The following NOP9 variants were observed in gnomAD, a reference collection of about 807,000 sequenced individuals.
The protein encoded by NOP9 is NOP9 nucleolar protein, also known as nucleolar protein 9.
NOP9 carries 50 observed loss-of-function variants against 63.0 expected under a neutral mutation model. That is an observed-to-expected ratio of 0.79 (90% CI 0.63 to 1.00). The LOEUF (loss-of-function observed/expected upper bound fraction) is 1.00, where lower values mean the gene tolerates loss of function less well. Ranked by LOEUF, NOP9 falls within the 50% of genes least tolerant of loss-of-function variation. The pLI, the probability that NOP9 is intolerant of heterozygous loss-of-function variation, is 0.00. For synonymous variants in NOP9, 343 were observed against 332.8 expected (o/e 1.03, Z -0.33); for missense variants, 758 against 803.0 (o/e 0.94, Z 0.68).
At chr14:24,291,826 C>T in the NOP9 span, 5 of 629,360 alleles carry the variant, frequency 7.9e-6, no homozygotes, top group Non-Finnish European at 1.4e-5. Flanking sequence ...TGTGCCCTGG[C>T]ACCAGGATCT....
At chr14:24,296,846 C>T, upstream of NOP9, 1 of 1,614,260 alleles carries the variant, frequency 6.2e-7, no homozygotes, top group Admixed American at 1.7e-5. Context: ...TTGAATCGCA[C>T]ACCACAGGCA....
the NOP9 span, chr14:24,271,516 G>T: frequency 6.4e-5 from 11 of 173,100 alleles, no homozygotes; most frequent in Non-Finnish European, 1.2e-4. Flanking sequence ...GGGGGACGCG[G>T]AGCTGCGGCG....
Position 24,305,913 on chromosome 14 carries a change from G to A in NOP9, c.*818G>A. ...GAATTATGGGGACTATCCAACTGTA[G>A]GGGATGGGGCAGTATGACATGTTGA... is the stretch of plus-strand genomic sequence containing the variant. On this transcript the variant is annotated 3_prime_UTR_variant, in exon 10 of 10. Coordinates refer to ENST00000267425, the MANE Select transcript of NOP9 (RefSeq NM_174913.3). 6.2e-7 allele frequency: 1 copy of A among 1,600,604 alleles called. No homozygotes were observed. Among genetic ancestry groups the A allele is most frequent in the Non-Finnish European group, 8.5e-7 (1 of 1,171,744 alleles).
At chr14:24,284,001 G>A in the NOP9 span, among the ~76,000 whole-genome samples, 1 of 152,210 alleles carries the variant, frequency 6.6e-6, no homozygotes, top group South Asian at 2.1e-4. Context: ...GGGCACCCAT[G>A]GGCATGTGTG....
rs2041577561 is a variant in NOP9, at chr14:24,308,129, G to A, written c.*3034G>A. 1 of 529,786 alleles carries A rather than the reference G, an allele frequency of 1.9e-6. No homozygotes were observed. 32.8% of individuals were successfully genotyped at this position (529,786 alleles called of 1,614,324 possible). A position where few individuals can be genotyped will look rare whatever the true frequency, so the allele number is the denominator to read the frequency against. On this transcript the variant is annotated 3_prime_UTR_variant, in exon 10 of 10. Coordinates refer to ENST00000267425, the MANE Select transcript of NOP9 (RefSeq NM_174913.3). ...GTATGTGTGTCTTTGGTGATGACAT[G>A]TGTTGTGAGGGTAGATGGGAACCAT...
chr14:24,304,181 T>C lies in NOP9; in HGVS notation c.1551T>C (p.Leu517=), dbSNP rs2144494. ...GALTGPQLLS[L]AQSPAGSHVL... is the part of the protein sequence containing the mutation. Reference sequence around the variant, plus strand: ...TGACGGGACCACAGCTTCTGTCCCTTGCCCAAAGTCCCGCTGGCTCTCATG... The same window carrying C: ...TGACGGGACCACAGCTTCTGTCCCTCGCCCAAAGTCCCGCTGGCTCTCATG... The change falls in exon 8 of 10, where the codon CTT becomes CTC. Residue 517 remains leucine (L), a synonymous_variant. Transcript: ENST00000267425. The C allele has an allele frequency of 0.19, 314,627 of 1,614,006 alleles. 33,634 individuals carry two copies. Among genetic ancestry groups the C allele is most frequent in the Admixed American group, 0.35 (20,966 of 60,010 alleles).
chr14:24,274,843 C>T, the NOP9 span, among the ~76,000 whole-genome samples: 5 of 149,152 alleles, frequency 3.4e-5, no homozygotes, highest in East Asian at 1.0e-3. Context: ...CTCCTGACCT[C>T]GTGATCTGCC....
rs1251641506 is a variant in NOP9 at position 24,307,387 on chromosome 14, T to A, written c.*2292T>A. 6.2e-7 allele frequency: 1 copy of A among 1,613,820 alleles called. No homozygotes were observed. The highest frequency in any genetic ancestry group is 1.7e-5 in the Admixed American group (1 of 59,978). On this transcript the variant is annotated 3_prime_UTR_variant, in exon 10 of 10. Transcript: ENST00000267425. ...CCTACTTACTTTGGCTAGCAGCTCC[T>A]GGCGGGTGGCAGCTGTCAGGCCTTT... is the stretch of plus-strand genomic sequence containing the variant.
chr14:24,271,390 CACCTGGGCGTTGGGG>C, the NOP9 span: 1 of 365,082 alleles, frequency 2.7e-6, no homozygotes, highest in Non-Finnish European at 4.9e-6. Context: ...CGAGCCGGGG[CACCTGGGCGTTGGGG>C]ACCACTCTGC....
chr14:24,300,853 A>G lies in NOP9; in HGVS notation c.693A>G (p.Ser231=), dbSNP rs201191329. Residue 231 remains serine (S), a synonymous_variant, in exon 2 of 10, where the codon TCA becomes TCG. Transcript: ENST00000267425. The part of the protein sequence containing the change: ...SERARPRGSQ[S]SEAQKTPAQE... Reference sequence around the variant, plus strand: ...GAGCCAGGCCCCGTGGTTCCCAATCATCTGGTAAGTATTACAAGAGGAAAG... The same window carrying G: ...GAGCCAGGCCCCGTGGTTCCCAATCGTCTGGTAAGTATTACAAGAGGAAAG... 118 of 1,611,864 alleles carry G rather than the reference A, an allele frequency of 7.3e-5. 1 individual carries two copies. The Admixed American group carries it at 2.0e-3, about 27-fold the overall frequency.
Position 24,306,043 on chromosome 14 carries a change from CGAG to C in NOP9, c.*950_*952del, listed in dbSNP as rs760028727. 8.1e-6 allele frequency: 13 copies of C among 1,614,028 alleles called. No homozygotes were observed. The Admixed American group carries it at 2.2e-4, about 27-fold the overall frequency. On this transcript the variant is annotated 3_prime_UTR_variant, in exon 10 of 10. Transcript: ENST00000267425. ...GACATTCAGGCTGCCAAAGAGGTCT[CGAG>C]GGTTTTGCTTGTACACGTCAAAGGT...
Position 24,308,891 on chromosome 14 carries a change from GCAGGCTTGAGCC to G in NOP9, c.*3799_*3810del, listed in dbSNP as rs1381434829. 8.5e-5 allele frequency: 13 copies of G among 152,210 alleles called. 1 individual carries two copies. The highest frequency in any genetic ancestry group is 8.5e-4 in the Admixed American group (13 of 15,292). 9.4% of individuals were successfully genotyped at this position (152,210 alleles called of 1,614,324 possible). A position where few individuals can be genotyped will look rare whatever the true frequency, so the allele number is the denominator to read the frequency against. ...TGACCTGGCCAGTTGCATTTCCCCT[GCAGGCTTGAGCC>G]CAAGCCAGAGCCTTGAAAAGGTATT... On this transcript the variant is annotated 3_prime_UTR_variant, in exon 10 of 10. Transcript: ENST00000267425.
chr14:24,303,002 G>C, intron 5 of NOP9, 72 bp from the exon 6 acceptor site: 1 of 1,447,134 alleles, frequency 6.9e-7, no homozygotes, highest in Non-Finnish European at 9.2e-7. Flanking sequence ...TGTTTTCGTT[G>C]GGAAGATTTC....
rs2041525792 is a variant in NOP9, at chr14:24,306,834, T to C, written c.*1739T>C. ...TCACGAAGTCCACCCTTCTGTCTTA[T>C]CTACAATGCTGCACCTCACTTCCCA... On this transcript the variant is annotated 3_prime_UTR_variant, in exon 10 of 10. Transcript: ENST00000267425. 2.4e-6 allele frequency: 1 copy of C among 422,386 alleles called. No individual in the cohort carries two copies. Among genetic ancestry groups the C allele is most frequent in the Non-Finnish European group, 4.4e-6 (1 of 226,796 alleles). 26.2% of individuals were successfully genotyped at this position (422,386 alleles called of 1,614,324 possible).
chr14:24,299,761 G>A (rs181204141), upstream of NOP9: 10,009 of 621,200 alleles, frequency 0.016, 154 homozygotes, highest in Non-Finnish European at 0.021. Flanking sequence ...TAGAACCTGC[G>A]GATGGGGGCG....
At chr14:24,292,489 C>G in the NOP9 span, 1 of 1,483,460 alleles carries the variant, frequency 6.7e-7, no homozygotes, top group South Asian at 1.2e-5. Flanking sequence ...CTACTCTAGC[C>G]AACCAAGAGG....
At chr14:24,276,580 C>T in the NOP9 span, among the ~76,000 whole-genome samples, 2 of 152,108 alleles carry the variant, frequency 1.3e-5, no homozygotes, top group Admixed American at 6.5e-5. Context: ...CATGAGCCAC[C>T]GCACCTGGCC....
At chr14:24,289,010 C>T in the NOP9 span, among the ~76,000 whole-genome samples, 1 of 149,944 alleles carries the variant, frequency 6.7e-6, no homozygotes, top group African/African-American at 2.5e-5. Flanking sequence ...GAGTCTTGCT[C>T]AGTCACCCAG....
Position 24,302,234 on chromosome 14 carries a change from C to T in NOP9, c.953C>T (p.Pro318Leu). ...CCTGATGCCCTTCTTGTCCCTAGTCCCCTACTGCTATTTCTCCGAGATCAG... is the reference window on the plus strand; with the variant it reads ...CCTGATGCCCTTCTTGTCCCTAGTCTCCTACTGCTATTTCTCCGAGATCAG... ...STRGSSVDGS[P>L]LLLFLRDQTS... is the part of the protein sequence containing the mutation. Residue 318 changes from proline (P) to leucine (L), a missense_variant and splice_region_variant, in exon 5 of 10, where the codon CCC (proline) becomes CTC (leucine). Transcript: ENST00000267425. The T allele has an allele frequency of 6.2e-7, 1 of 1,611,338 alleles. No homozygotes were observed. Among genetic ancestry groups the T allele is most frequent in the Non-Finnish European group, 8.5e-7 (1 of 1,177,702 alleles).
Sources: allele counts gnomAD v4.1 joint callset (sites outside exome capture counted in the v4.1 genomes callset), GRCh38; gene constraint gnomAD v4.1.1; transcripts MANE v1.5; gene names NCBI Gene and HGNC (gene_info 2026-07-23, HGNC 2026-07-21).